The following GPAT4 variants were observed in gnomAD, a reference collection of about 807,000 sequenced individuals.
The protein encoded by GPAT4 is 1-AGP acyltransferase 6.
Under a neutral mutation model 58.0 loss-of-function variants are expected in GPAT4, and 17 were observed. The observed-to-expected ratio is 0.29, with a 90% CI of 0.20 to 0.44. The LOEUF is 0.44. GPAT4 is among the 20% of genes least tolerant of loss of function. The probability of loss-of-function intolerance (pLI) is 1.00; values close to 1 mark genes in which losing one functional copy is unlikely to be tolerated. For synonymous variants in GPAT4, 204 were observed against 210.1 expected, an observed-to-expected ratio of 0.97 and a Z score of 0.25; for missense variants, 377 against 574.5, an observed-to-expected ratio of 0.66 and a Z score of 3.51.
At chr8:41,614,291 A>G in intron 8 of GPAT4, 95 bp from the exon 9 acceptor site, 1 of 1,069,024 alleles carries the variant, frequency 9.4e-7, no homozygotes. Context: ...TTTATAATCG[A>G]AACTAGTGTC....
intron 1 of GPAT4, among the ~76,000 whole-genome samples, chr8:41,587,477 G>A (rs888228753): frequency 1.3e-5 from 2 of 152,114 alleles, no homozygotes; most frequent in African/African-American, 2.4e-5. Flanking sequence ...AGACAATGCC[G>A]CAGTCAGTAT....
At chr8:41,589,823 C>T (rs1187008841) in intron 1 of GPAT4, among the ~76,000 whole-genome samples, 1 of 152,178 alleles carries the variant, frequency 6.6e-6, no homozygotes, top group African/African-American at 2.4e-5. Context: ...GTAACCCTGG[C>T]CAGTAGGACA....
chr8:41,594,791 C>T (rs1193894659), intron 1 of GPAT4, among the ~76,000 whole-genome samples: 4 of 152,068 alleles, frequency 2.6e-5, no homozygotes, highest in African/African-American at 7.2e-5. Context: ...GTGATCTGCC[C>T]GCCTCGGCCT....
At chr8:41,613,379 C>CT (rs768810149) in intron 8 of GPAT4, among the ~76,000 whole-genome samples, 65 of 151,626 alleles carry the variant, frequency 4.3e-4, no homozygotes, top group Admixed American at 2.0e-4. Context: ...GAATGAGACT[C>CT]TGTCTTAAAA....
Position 41,587,776 on chromosome 8 carries a change from C to T in GPAT4, c.-849+9498C>T, listed in dbSNP as rs556646226. Among the ~76,000 whole-genome samples, 96 of 152,194 alleles carry T rather than the reference C, an allele frequency of 6.3e-4. 1 individual carries two copies. Among genetic ancestry groups the T allele is most frequent in the Non-Finnish European group, 1.1e-3 (74 of 68,030 alleles). The stretch of plus-strand genomic sequence containing the variant: ...ACTGGTCCGATTTATCCTTAGGATA[C>T]ATTTCTAGAAGTGGAATTGCTGGAT... On this transcript the variant is annotated intron_variant, in intron 1 of 12. Coordinates refer to ENST00000396987, the MANE Select transcript of GPAT4 (RefSeq NM_178819.4).
chr8:41,616,464 T>G (rs1038080491), intron 10 of GPAT4, among the ~76,000 whole-genome samples: 7 of 152,192 alleles, frequency 4.6e-5, no homozygotes, highest in African/African-American at 1.4e-4. Context: ...CCTGGCTAAT[T>G]TTTTAATTTT....
chr8:41,587,266 A>G (rs1204183266), intron 1 of GPAT4, among the ~76,000 whole-genome samples: 3 of 152,234 alleles, frequency 2.0e-5, no homozygotes, highest in Non-Finnish European at 4.4e-5. Context: ...TTTCTGAATG[A>G]GAAAGCATGC....
intron 1 of GPAT4, among the ~76,000 whole-genome samples, chr8:41,590,723 C>T (rs1378150933): frequency 2.0e-5 from 3 of 152,190 alleles, no homozygotes; most frequent in Non-Finnish European, 4.4e-5. Flanking sequence ...GAACTAGGAA[C>T]TAGGGTTCAT....
chr8:41,620,790 G>C, intron 12 of GPAT4, 103 bp from the exon 13 acceptor site: 1 of 1,498,498 alleles, frequency 6.7e-7, no homozygotes, highest in Non-Finnish European at 9.0e-7. Flanking sequence ...CCTGTTTCTG[G>C]CAGGTTTTTC....
At chr8:41,612,092 A>T in intron 6 of GPAT4, 88 bp from the exon 7 acceptor site, 1 of 1,587,560 alleles carries the variant, frequency 6.3e-7, no homozygotes, top group African/African-American at 1.3e-5. Flanking sequence ...GCTTTTAGTT[A>T]GAGCAGATGA....
At chr8:41,591,389 C>T (rs765495819) in intron 1 of GPAT4, among the ~76,000 whole-genome samples, 6 of 152,112 alleles carry the variant, frequency 3.9e-5, no homozygotes, top group Non-Finnish European at 5.9e-5. Context: ...AGGGTGGTCT[C>T]CTCCCTTAAA....
Position 41,612,191 on chromosome 8 carries a change from C to G in GPAT4, c.713C>G (p.Pro238Arg), listed in dbSNP as rs757092018. 6.2e-7 allele frequency: 1 copy of G among 1,614,160 alleles called. No homozygotes were observed. The highest frequency in any genetic ancestry group is 1.3e-5 in the African/African-American group (1 of 75,048). ...CATTTTAAACCCAGGGAAAACAGAC[C>G]AAGAAATGGTGGCATCTGTGTGGCC... ...IITYHDRENR[P>R]RNGGICVANH... Residue 238 changes from proline (P) to arginine (R), a missense_variant, in exon 7 of 13, where the codon CCA (proline) becomes CGA (arginine). Physicochemically the swap from Pro to Arg is moderately radical, Grantham distance 103. Coordinates refer to ENST00000396987, the MANE Select transcript of GPAT4 (RefSeq NM_178819.4).
At chr8:41,615,615 C>A (rs572374531) in intron 10 of GPAT4, among the ~76,000 whole-genome samples, 11 of 152,108 alleles carry the variant, frequency 7.2e-5, no homozygotes, top group Non-Finnish European at 1.3e-4. Flanking sequence ...CTTCAGACAC[C>A]CAGAGCTATA....
At chr8:41,593,272 A>G (rs780644333) in intron 1 of GPAT4, among the ~76,000 whole-genome samples, 36 of 152,216 alleles carry the variant, frequency 2.4e-4, no homozygotes, top group South Asian at 4.1e-4. Flanking sequence ...GTTATAACAC[A>G]CATCAGGCTG....
At chr8:41,581,509 T>C (rs1802506284) in intron 1 of GPAT4, among the ~76,000 whole-genome samples, 1 of 152,098 alleles carries the variant, frequency 6.6e-6, no homozygotes, top group Admixed American at 6.5e-5. Context: ...TGGAGTGCAG[T>C]GGCATGATCA....
intron 1 of GPAT4, among the ~76,000 whole-genome samples, chr8:41,588,064 T>C (rs1000331177): frequency 1.3e-5 from 2 of 152,252 alleles, no homozygotes; most frequent in Admixed American, 6.5e-5. Context: ...TCATACGTTA[T>C]AATGCTTTCC....
At chr8:41,585,707 G>A (rs1224226781) in intron 1 of GPAT4, among the ~76,000 whole-genome samples, 1 of 152,222 alleles carries the variant, frequency 6.6e-6, no homozygotes, top group Non-Finnish European at 1.5e-5. Context: ...CAGCCAGAAG[G>A]TAGGGGAGGC....
intron 1 of GPAT4, among the ~76,000 whole-genome samples, chr8:41,589,262 G>A (rs1802729778): frequency 6.6e-6 from 1 of 151,618 alleles, no homozygotes; most frequent in Non-Finnish European, 1.5e-5. Context: ...ATTTGTGTGA[G>A]TGTTGTTTAG....
rs973413388 is a variant in GPAT4 at position 41,621,306 on chromosome 8, C to T, written c.*305C>T. Reference sequence around the variant, plus strand: ...GAACTCCCCACCTTTGCACGCTGTGCGGGCTGAGTGGTTGGGGAGATGTGG... The same window carrying T: ...GAACTCCCCACCTTTGCACGCTGTGTGGGCTGAGTGGTTGGGGAGATGTGG... On this transcript the variant is annotated 3_prime_UTR_variant, in exon 13 of 13. Transcript: ENST00000396987. 23 of 351,330 alleles carry T rather than the reference C, an allele frequency of 6.5e-5. No homozygotes were observed. Among genetic ancestry groups the T allele is most frequent in the African/African-American group, 3.5e-4 (17 of 48,154 alleles). 21.8% of individuals were successfully genotyped at this position (351,330 alleles called of 1,614,324 possible).
Sources: gnomAD v4.1 joint callset for allele counts (sites outside exome capture counted in the v4.1 genomes callset) on GRCh38, gnomAD v4.1.1 for gene constraint, MANE v1.5 for transcripts, NCBI Gene and HGNC (gene_info 2026-07-23, HGNC 2026-07-21) for gene names.